The following GAS7 variants were observed in gnomAD, a reference collection of about 807,000 sequenced individuals.
GAS7 encodes growth arrest specific 7, also known as growth arrest-specific protein 7.
A neutral mutation model predicts 71.1 loss-of-function variants in GAS7; 28 were observed. The observed-to-expected ratio is 0.39, with a 90% CI of 0.29 to 0.54. The LOEUF is 0.54. GAS7 is among the 20% of genes least tolerant of loss of function. The pLI is 0.62. For synonymous variants in GAS7, 258 were observed against 245.8 expected (o/e 1.05, Z -0.46); for missense variants, 436 against 627.8 (o/e 0.69, Z 3.27).
chr17:10,011,504 C>T (rs533883630), intron 2 of GAS7, among the ~76,000 whole-genome samples: 3 of 152,318 alleles, frequency 2.0e-5, no homozygotes. Context: ...CACTAAGTGA[C>T]CGGCTGGGAC....
intron 1 of GAS7, among the ~76,000 whole-genome samples, chr17:10,118,042 A>G (rs1245820211): frequency 2.0e-5 from 3 of 152,112 alleles, no homozygotes; most frequent in Non-Finnish European, 2.9e-5. Flanking sequence ...GATGTCAAGG[A>G]CACAGCTGGA....
At chr17:9,927,290 T>TACACACACACAC (rs371084335) in intron 9 of GAS7, among the ~76,000 whole-genome samples, 2,099 of 116,868 alleles carry the variant, frequency 0.018, 37 homozygotes, top group Admixed American at 0.023. Flanking sequence ...CTCTACTACA[T>TACACACACACAC]ACACACACAC....
intron 1 of GAS7, among the ~76,000 whole-genome samples, chr17:10,176,230 T>TTA (rs138795487): frequency 0.24 from 36,395 of 151,680 alleles, 4,388 homozygotes; most frequent in South Asian, 0.26. Flanking sequence ...AGGGAGGAGG[T>TTA]CTTAGGAGGA....
chr17:9,950,204 CATT>C (rs2068951052), intron 5 of GAS7, among the ~76,000 whole-genome samples: 1 of 152,024 alleles, frequency 6.6e-6, no homozygotes, highest in South Asian at 2.1e-4. Flanking sequence ...AAGAATACAA[CATT>C]ATCTATGTAA....
intron 1 of GAS7, among the ~76,000 whole-genome samples, chr17:10,179,949 T>A (rs1229308103): frequency 6.6e-6 from 1 of 152,156 alleles, no homozygotes; most frequent in African/African-American, 2.4e-5. Context: ...TACTGAGAAC[T>A]GGTGTCAAGC....
At chr17:9,918,577 T>C (rs1207513120) in intron 12 of GAS7, among the ~76,000 whole-genome samples, 1 of 152,126 alleles carries the variant, frequency 6.6e-6, no homozygotes, top group African/African-American at 2.4e-5. Flanking sequence ...AGGGGGCACA[T>C]GTGGGAGCTC....
intron 1 of GAS7, among the ~76,000 whole-genome samples, chr17:10,145,071 A>G (rs2074111393): frequency 6.6e-6 from 1 of 152,234 alleles, no homozygotes; most frequent in African/African-American, 2.4e-5. Flanking sequence ...TGGTGCAGGA[A>G]TGGCTGCTGC....
chr17:10,198,433 G>A lies in GAS7; in HGVS notation c.-43C>T. On this transcript the variant is annotated 5_prime_UTR_variant, in exon 1 of 14. Coordinates refer to ENST00000432992, the MANE Select transcript of GAS7 (RefSeq NM_201433.2). Reference sequence around the variant, plus strand: ...TCACAGCGCAGCCTGCATTCCCGCCGAGCCCCACGGGCTGGGCAGCGGCTC... The same window carrying A: ...TCACAGCGCAGCCTGCATTCCCGCCAAGCCCCACGGGCTGGGCAGCGGCTC... The A allele has an allele frequency of 2.1e-6, 3 of 1,418,360 alleles. No homozygotes were observed. Among genetic ancestry groups the A allele is most frequent in the Non-Finnish European group, 2.8e-6 (3 of 1,078,596 alleles). 87.9% of individuals were successfully genotyped at this position (1,418,360 alleles called of 1,614,324 possible).
chr17:10,120,203 A>G (rs1416078583), intron 1 of GAS7, among the ~76,000 whole-genome samples: 1 of 150,626 alleles, frequency 6.6e-6, no homozygotes, highest in Non-Finnish European at 1.5e-5. Flanking sequence ...AGTAGAAGAC[A>G]CAGCTACCAA....
chr17:9,981,826 G>A lies in GAS7; in HGVS notation c.363C>T (p.His121=), dbSNP rs770166914. The A allele has an allele frequency of 6.2e-7, 1 of 1,602,328 alleles. No individual in the cohort carries two copies. The highest frequency in any genetic ancestry group is 1.7e-5 in the Admixed American group (1 of 60,030). ...TACCTGTTGGAGGCAGAGAGCTCCT[G>A]TGAGAGCCAGGGCTGGCTGGAATCC... The part of the protein sequence containing the change: ...SPGIPASPGS[H]RSSLPPTVNG... Residue 121 remains histidine, a synonymous_variant, in exon 3 of 14, where the codon CAC becomes CAT. Coordinates refer to ENST00000432992, the MANE Select transcript of GAS7 (RefSeq NM_201433.2). The surrounding 1 kb of genome is among the most constrained non-coding windows in gnomAD (Gnocchi z 4.4).
chr17:9,957,655 G>C (rs2069300868), intron 5 of GAS7, among the ~76,000 whole-genome samples: 1 of 149,420 alleles, frequency 6.7e-6, no homozygotes, highest in Non-Finnish European at 1.5e-5. Flanking sequence ...AGCATTCTGG[G>C]GCATTTTGTG....
In GAS7 at chr17:9,940,188, T is replaced by C. The variant is rs2068551537; in HGVS notation, c.744A>G (p.Glu248=). Residue 248 remains glutamate (E), a synonymous_variant, in exon 8 of 14, where the codon GAA becomes GAG. Coordinates refer to ENST00000432992, the MANE Select transcript of GAS7 (RefSeq NM_201433.2). ...TAGCTAAGTTCTTCGCATAGTCTTC[T>C]TCAATCTTTATCCTGCAAAGAGAGA... The part of the protein sequence containing the change: ...SEFIRERIKI[E]EDYAKNLAKL... 6.2e-7 allele frequency: 1 copy of C among 1,612,826 alleles called. No individual in the cohort carries two copies. The highest frequency in any genetic ancestry group is 2.2e-5 in the East Asian group (1 of 44,874).
chr17:10,054,105 G>C (rs747089225), intron 1 of GAS7, among the ~76,000 whole-genome samples: 1 of 151,980 alleles, frequency 6.6e-6, no homozygotes, highest in Non-Finnish European at 1.5e-5. Flanking sequence ...TCTGGACCTA[G>C]AAGATTAATC....
chr17:10,011,273 T>G (rs2071761265), intron 2 of GAS7, among the ~76,000 whole-genome samples: 1 of 152,210 alleles, frequency 6.6e-6, no homozygotes, highest in Non-Finnish European at 1.5e-5. Flanking sequence ...TGGGCTTGGA[T>G]GAAGCATCAC....
At chr17:10,182,888 G>A (rs2074426562) in intron 1 of GAS7, among the ~76,000 whole-genome samples, 1 of 152,190 alleles carries the variant, frequency 6.6e-6, no homozygotes, top group East Asian at 1.9e-4. Context: ...GAGTCCTTCA[G>A]CAGTCTCCTG....
intron 1 of GAS7, among the ~76,000 whole-genome samples, chr17:10,182,664 C>T (rs999438858): frequency 2.0e-5 from 3 of 152,088 alleles, no homozygotes; most frequent in Non-Finnish European, 2.9e-5. Context: ...ACTAAGTCTC[C>T]GACAGCAAGG....
chr17:9,940,049 A>G, intron 8 of GAS7, 77 bp downstream of exon 8: 2 of 864,966 alleles, frequency 2.3e-6, no homozygotes, highest in South Asian at 2.6e-5. Flanking sequence ...CATGCCAGTG[A>G]TCAGTGATAG....
At chr17:10,083,428 A>G (rs1425800952) in intron 1 of GAS7, among the ~76,000 whole-genome samples, 1 of 152,166 alleles carries the variant, frequency 6.6e-6, no homozygotes, top group Non-Finnish European at 1.5e-5. Flanking sequence ...TCGGTGATGC[A>G]GGATTTTTCT....
chr17:9,982,904 G>T (rs1172978870), intron 2 of GAS7, among the ~76,000 whole-genome samples: 1 of 152,042 alleles, frequency 6.6e-6, no homozygotes, highest in Non-Finnish European at 1.5e-5. Flanking sequence ...AACTAATACT[G>T]CAAGCTATAG....
Sources: gnomAD v4.1 joint callset for allele counts (sites outside exome capture counted in the v4.1 genomes callset) on GRCh38, gnomAD v4.1.1 for gene constraint, Gnocchi (gnomAD v3.1) non-coding constraint, MANE v1.5 for transcripts, NCBI Gene and HGNC (gene_info 2026-07-23, HGNC 2026-07-21) for gene names.